The following TSHZ3 variants were observed in gnomAD, a reference collection of about 807,000 sequenced individuals.
The protein encoded by TSHZ3 is teashirt homolog 3.
A neutral mutation model predicts 64.5 loss-of-function variants in TSHZ3; 10 were observed. The observed-to-expected ratio is 0.16, with a 90% confidence interval of 0.10 to 0.26. TSHZ3 has a LOEUF of 0.26. TSHZ3 is among the 10% of genes least tolerant of loss of function. TSHZ3 has a pLI of 1.00. For missense variants in TSHZ3, 1,242 were observed against 1,421.7 expected (o/e 0.87, Z 2.03); for synonymous variants, 608 against 593.1 (o/e 1.03, Z -0.36).
intron 1 of TSHZ3, among the ~76,000 whole-genome samples, chr19:31,321,274 C>A (rs1446255511): frequency 6.6e-6 from 1 of 152,198 alleles, no homozygotes. Flanking sequence ...AAGGCCATGG[C>A]TCTCACTTAA....
At chr19:31,307,394 T>A (rs552343254) in intron 1 of TSHZ3, among the ~76,000 whole-genome samples, 1 of 152,048 alleles carries the variant, frequency 6.6e-6, no homozygotes, top group East Asian at 1.9e-4. Flanking sequence ...GACGGGAAGA[T>A]GGAGCGGAGC....
At chr19:31,158,708 C>T (rs562618125) in intron 5 of TSHZ3, among the ~76,000 whole-genome samples, 1 of 152,082 alleles carries the variant, frequency 6.6e-6, no homozygotes, top group Non-Finnish European at 1.5e-5. Flanking sequence ...TCAGTGGGAG[C>T]CCTGAACTCA....
rs769622585 is a variant in TSHZ3, at chr19:31,277,796, C to A, written c.1997G>T (p.Ser666Ile). The A allele has an allele frequency of 6.5e-7, 1 of 1,540,734 alleles. No homozygotes were observed. Among genetic ancestry groups the A allele is most frequent in the South Asian group, 1.3e-5 (1 of 77,354 alleles). The change falls in exon 2 of 2, where the codon AGC (serine) becomes ATC (isoleucine). Residue 666 changes from serine (S) to isoleucine (I), a missense_variant. Coordinates refer to ENST00000240587, the MANE Select transcript of TSHZ3 (RefSeq NM_020856.4). This position sits in a 1 kb window ranked among gnomAD's most constrained non-coding sequence, Gnocchi z 4.5. Reference sequence around the variant, plus strand: ...CGGGGGGCTGGGGCTGTTCTCCTGGCTGCGGAAGCCCCCATCGCTGGATGC... The same window carrying A: ...CGGGGGGCTGGGGCTGTTCTCCTGGATGCGGAAGCCCCCATCGCTGGATGC... ...MEASSDGGFR[S>I]QENSPSPPRD...
At chr19:31,216,248 T>C (rs1975327006) in intron 4 of TSHZ3, among the ~76,000 whole-genome samples, 1 of 152,086 alleles carries the variant, frequency 6.6e-6, no homozygotes, top group Non-Finnish European at 1.5e-5. Flanking sequence ...TAGGCCTTTT[T>C]GGGGGGGCTC....
Position 31,265,254 on chromosome 19 carries a change from G to A in TSHZ3, n.64-22379C>T, listed in dbSNP as rs183849580. On this transcript the variant is annotated intron_variant and non_coding_transcript_variant, in intron 1 of 6. Transcript: ENST00000651361. The stretch of plus-strand genomic sequence containing the variant: ...TCTACTAAAAATATGAAAATTAGCC[G>A]GGCATGGTGGTCCATGCCTGTAATC... Among the ~76,000 whole-genome samples, 6 of 151,650 alleles carry A rather than the reference G, an allele frequency of 4.0e-5. No individual in the cohort carries two copies. The East Asian group carries it at 5.8e-4, about 15-fold the overall frequency.
chr19:31,164,708 G>C (rs556029336), intron 5 of TSHZ3, among the ~76,000 whole-genome samples: 6 of 152,292 alleles, frequency 3.9e-5, no homozygotes, highest in African/African-American at 1.4e-4. Context: ...TAAGGACGCT[G>C]CGTGCATGAA....
chr19:31,294,464 C>T (rs1411685878), intron 1 of TSHZ3, among the ~76,000 whole-genome samples: 2 of 152,162 alleles, frequency 1.3e-5, no homozygotes, highest in South Asian at 2.1e-4. Flanking sequence ...CAAGCACTCA[C>T]TCAGTATTGA....
chr19:31,191,744 A>G (rs1355060364), intron 5 of TSHZ3, among the ~76,000 whole-genome samples: 1 of 152,030 alleles, frequency 6.6e-6, no homozygotes, highest in African/African-American at 2.4e-5. Context: ...CTGTAGTCCC[A>G]GCTATTTGGG....
At chr19:31,233,763 G>A (rs1211102503) in intron 3 of TSHZ3, among the ~76,000 whole-genome samples, 1 of 152,080 alleles carries the variant, frequency 6.6e-6, no homozygotes, top group African/African-American at 2.4e-5. Context: ...TCAAAACAAC[G>A]TGAGCAAAGG....
intron 5 of TSHZ3, among the ~76,000 whole-genome samples, chr19:31,173,452 A>T (rs1294505614): frequency 6.6e-6 from 1 of 152,232 alleles, no homozygotes; most frequent in Admixed American, 6.5e-5. Flanking sequence ...TGCACATTTA[A>T]AAATGAGGTC....
intron 1 of TSHZ3, among the ~76,000 whole-genome samples, chr19:31,340,643 T>C (rs1039127146): frequency 1.3e-5 from 2 of 152,184 alleles, no homozygotes; most frequent in African/African-American, 4.8e-5. Flanking sequence ...CCCTGATTAC[T>C]GGGGCCTATG....
Position 31,278,832 on chromosome 19 carries a change from G to T in TSHZ3, c.961C>A (p.Arg321=). The T allele has an allele frequency of 3.1e-6, 5 of 1,614,152 alleles. No individual in the cohort carries two copies. Among genetic ancestry groups the T allele is most frequent in the Non-Finnish European group, 4.2e-6 (5 of 1,180,046 alleles). The change falls in exon 2 of 2, where the codon CGG becomes AGG. Residue 321 remains arginine, a synonymous_variant. Transcript: ENST00000240587. The surrounding 1 kb of genome is among the most constrained non-coding windows in gnomAD (Gnocchi z 4.7). Reference sequence around the variant, plus strand: ...TCCAGCTCCAGGGAAGCTTTCTTCCGAGTGGCAGGGATGATTTTGGCGGCG... The same window carrying T: ...TCCAGCTCCAGGGAAGCTTTCTTCCTAGTGGCAGGGATGATTTTGGCGGCG... The part of the protein sequence containing the change: ...PVAAKIIPAT[R]KKASLELELP...
At chr19:31,329,601 G>A (rs1044400784) in intron 1 of TSHZ3, among the ~76,000 whole-genome samples, 3 of 152,192 alleles carry the variant, frequency 2.0e-5, no homozygotes, top group African/African-American at 7.2e-5. Flanking sequence ...TTTAAATGGT[G>A]CTAATACAGT....
chr19:31,223,196 T>G (rs1975412841), intron 4 of TSHZ3, among the ~76,000 whole-genome samples: 1 of 152,174 alleles, frequency 6.6e-6, no homozygotes, highest in South Asian at 2.1e-4. Flanking sequence ...CTTAAAATAT[T>G]AGGGTCAGCT....
At chr19:31,189,461 T>A (rs1026817535) in intron 5 of TSHZ3, among the ~76,000 whole-genome samples, 4 of 152,024 alleles carry the variant, frequency 2.6e-5, no homozygotes, top group Non-Finnish European at 4.4e-5. Context: ...TTTTAAATAT[T>A]TCTCATTTCC....
At chr19:31,281,558 G>C (rs913364954) in intron 1 of TSHZ3, among the ~76,000 whole-genome samples, 2 of 152,182 alleles carry the variant, frequency 1.3e-5, no homozygotes, top group African/African-American at 4.8e-5. Context: ...AGTCAGCTGA[G>C]TGTGAAGTGC....
chr19:31,287,401 A>G (rs1460378623), intron 1 of TSHZ3, among the ~76,000 whole-genome samples: 1 of 152,130 alleles, frequency 6.6e-6, no homozygotes, highest in Non-Finnish European at 1.5e-5. Context: ...CTTTGCAATG[A>G]GTGCCTCTGG....
chr19:31,236,981 T>C (rs1975625310), intron 3 of TSHZ3, among the ~76,000 whole-genome samples: 1 of 152,170 alleles, frequency 6.6e-6, no homozygotes, highest in Non-Finnish European at 1.5e-5. Flanking sequence ...AAACCCCGTC[T>C]CTACTAAAAA....
chr19:31,282,966 G>A (rs1056811278), intron 1 of TSHZ3, among the ~76,000 whole-genome samples: 1 of 152,144 alleles, frequency 6.6e-6, no homozygotes, highest in Non-Finnish European at 1.5e-5. Context: ...TTTCTTTTCC[G>A]ATCTGAAGGT....
Sources: allele counts gnomAD v4.1 joint callset (sites outside exome capture counted in the v4.1 genomes callset), GRCh38; gene constraint gnomAD v4.1.1; non-coding constraint Gnocchi (gnomAD v3.1); transcripts MANE v1.5; gene names NCBI Gene and HGNC (gene_info 2026-07-23, HGNC 2026-07-21).